NTRK1: variants seen among roughly 807,000 people sequenced by gnomAD.
NTRK1 encodes the protein neurotrophic receptor tyrosine kinase 1.
In NTRK1, 62 loss-of-function variants were observed where a neutral mutation model predicts 86.8. The observed-to-expected ratio is 0.71, with a 90% CI of 0.58 to 0.88. The LOEUF (loss-of-function observed/expected upper bound fraction) is 0.88. Ranked by LOEUF, NTRK1 falls within the 40% of genes least tolerant of loss-of-function variation. The pLI, the probability that NTRK1 is intolerant of heterozygous loss-of-function variation, is 0.00. For missense variants in NTRK1, 967 were observed against 1,078.4 expected (o/e 0.90, Z 1.45); for synonymous variants, 469 against 456.6 (o/e 1.03, Z -0.35).
At chr1:156,861,170 G>A (rs1250248702) in intron 1 of NTRK1, 24 bp downstream of exon 1, 8 of 1,539,710 alleles carry the variant, frequency 5.2e-6, no homozygotes, top group Non-Finnish European at 5.2e-6. Context: ...GGGCGGTGGG[G>A]GGGCGCGGGG....
At chr1:156,839,179 G>A (rs1490326392) in intron 1 of NTRK1, among the ~76,000 whole-genome samples, 1 of 152,274 alleles carries the variant, frequency 6.6e-6, no homozygotes, top group Non-Finnish European at 1.5e-5. Context: ...CAGGGTAGTT[G>A]TTGTCATAGA....
intron 6 of NTRK1, 73 bp from the exon 7 acceptor site, chr1:156,871,550 C>T (rs1043713224): frequency 1.9e-6 from 3 of 1,565,622 alleles, no homozygotes; most frequent in Non-Finnish European, 2.6e-6. Context: ...CAGAGGGGCT[C>T]TCCAAAGACT....
chr1:156,822,171 C>G (rs1654207697), intron 1 of NTRK1, among the ~76,000 whole-genome samples: 1 of 152,216 alleles, frequency 6.6e-6, no homozygotes, highest in African/African-American at 2.4e-5. Flanking sequence ...GGTCCACCCC[C>G]TGTGCCCTCT....
chr1:156,858,920 A>C (rs186399854), upstream of NTRK1: 743 of 411,946 alleles, frequency 1.8e-3, 3 homozygotes, highest in Non-Finnish European at 2.7e-3. Flanking sequence ...AGAGGGAGAA[A>C]ATGACACAGG....
At chr1:156,838,978 C>G (rs569867434) in intron 1 of NTRK1, among the ~76,000 whole-genome samples, 31 of 152,358 alleles carry the variant, frequency 2.0e-4, no homozygotes, top group African/African-American at 7.2e-4. Flanking sequence ...CCCTTTCACC[C>G]TCCTGGAGGC....
chr1:156,867,542 C>G (rs766368989), intron 4 of NTRK1, among the ~76,000 whole-genome samples: 2 of 152,226 alleles, frequency 1.3e-5, no homozygotes, highest in Non-Finnish European at 1.5e-5. Flanking sequence ...CCATGTTGCC[C>G]AGGCTGATCT....
intron 2 of NTRK1, chr1:156,851,264 G>A: frequency 6.2e-7 from 1 of 1,613,666 alleles, no homozygotes; most frequent in Non-Finnish European, 8.5e-7. Context: ...GTAATAGAAG[G>A]AGCTGGTCAG....
exon 2 of NTRK1, chr1:156,842,161 T>C (rs758128799): frequency 2.4e-5 from 38 of 1,613,934 alleles, no homozygotes; most frequent in Non-Finnish European, 3.1e-5. Context: ...TGCGGGCTGC[T>C]AGATCTCGGT....
intron 1 of NTRK1, among the ~76,000 whole-genome samples, chr1:156,838,814 A>G (rs1654664838): frequency 6.6e-6 from 1 of 152,194 alleles, no homozygotes; most frequent in East Asian, 1.9e-4. Context: ...TTCCACATCC[A>G]GACAATCGGC....
At chr1:156,819,185 G>A (rs1558073027) in intron 1 of NTRK1, among the ~76,000 whole-genome samples, 1 of 152,096 alleles carries the variant, frequency 6.6e-6, no homozygotes, top group Non-Finnish European at 1.5e-5. Flanking sequence ...TGTATTTTTA[G>A]TAGAAAATAA....
chr1:156,868,088 C>T lies in NTRK1; in HGVS notation c.429-16C>T, dbSNP rs557754260. On this transcript the variant is annotated splice_polypyrimidine_tract_variant and intron_variant, in intron 4 of 16. Transcript: ENST00000524377. ...GCCCTTTCCTTGACTCTGTTGGTGT[C>T]CCCCATGCCCCCCAGGGTCCTGTCG... 1.6e-4 allele frequency: 263 copies of T among 1,613,624 alleles called. 3 individuals are homozygous for T. In the South Asian group the frequency reaches 2.7e-3, roughly 17 times the overall value.
chr1:156,874,686 A>G (rs2102910676), intron 10 of NTRK1, 60 bp downstream of exon 10: 1 of 1,520,552 alleles, frequency 6.6e-7, no homozygotes, highest in South Asian at 1.2e-5. Context: ...GTAGAGGCTC[A>G]TCTGCATGTC....
At chr1:156,831,769 A>C (rs535009917) in intron 1 of NTRK1, among the ~76,000 whole-genome samples, 1 of 152,342 alleles carries the variant, frequency 6.6e-6, no homozygotes, top group African/African-American at 2.4e-5. Flanking sequence ...TAGGGCAGAA[A>C]GATGTTAGAG....
intron 7 of NTRK1, among the ~76,000 whole-genome samples, chr1:156,872,408 G>T (rs1647615280): frequency 6.6e-6 from 1 of 151,810 alleles, no homozygotes; most frequent in South Asian, 2.1e-4. Flanking sequence ...TTTCCTATCG[G>T]TATCATTTAG....
At chr1:156,838,426 C>A (rs908957499) in intron 1 of NTRK1, among the ~76,000 whole-genome samples, 7 of 151,502 alleles carry the variant, frequency 4.6e-5, no homozygotes, top group African/African-American at 1.7e-4. Flanking sequence ...GGAGGGGGAC[C>A]AAGACGGGTG....
At chr1:156,828,947 AT>A (rs1305305254) in intron 1 of NTRK1, among the ~76,000 whole-genome samples, 1 of 152,194 alleles carries the variant, frequency 6.6e-6, no homozygotes, top group Non-Finnish European at 1.5e-5. Flanking sequence ...TAGAGGAGCA[AT>A]AAAAAGTGGA....
intron 2 of NTRK1, chr1:156,842,270 T>C: frequency 6.2e-7 from 1 of 1,613,912 alleles, no homozygotes. Flanking sequence ...CCCAGGGTTG[T>C]TCTAGAGCCA....
chr1:156,845,570 C>A, intron 2 of NTRK1: 1 of 1,482,448 alleles, frequency 6.7e-7, no homozygotes, highest in Non-Finnish European at 9.1e-7. Context: ...ACCCGCCCCT[C>A]ACAGGCCCCA....
chr1:156,876,002 C>A (rs1647880165), intron 12 of NTRK1, 78 bp from the exon 13 acceptor site: 1 of 1,603,388 alleles, frequency 6.2e-7, no homozygotes, highest in South Asian at 1.1e-5. Context: ...CAGCACACAG[C>A]CCTGCCAAGA....
Sources: gnomAD v4.1 joint callset for allele counts (sites outside exome capture counted in the v4.1 genomes callset) on GRCh38, gnomAD v4.1.1 for gene constraint, MANE v1.5 for transcripts, NCBI Gene and HGNC (gene_info 2026-07-23, HGNC 2026-07-21) for gene names.